LAMP1: variants seen among roughly 807,000 people sequenced by gnomAD.
The protein encoded by LAMP1 is lysosome-associated membrane glycoprotein 1.
Under a neutral mutation model 37.5 loss-of-function variants are expected in LAMP1, and 7 were observed. The ratio of observed to expected loss-of-function variants is 0.19; its 90% CI spans 0.11 to 0.35. The LOEUF (loss-of-function observed/expected upper bound fraction) is 0.35, where lower values mean the gene tolerates loss of function less well. Ranked by LOEUF, LAMP1 falls within the 10% of genes least tolerant of loss-of-function variation. LAMP1 has a pLI of 1.00. For synonymous variants in LAMP1, 236 were observed against 229.1 expected (o/e 1.03, Z -0.27); for missense variants, 537 against 552.8 (o/e 0.97, Z 0.29).
chr13:113,313,613 T>C (rs894638128), intron 4 of LAMP1, among the ~76,000 whole-genome samples: 5 of 146,026 alleles, frequency 3.4e-5, no homozygotes, highest in Non-Finnish European at 7.5e-5. Context: ...GGAACCAGTG[T>C]GGAGATGTCG....
chr13:113,309,979 A>G (rs1433649201), intron 3 of LAMP1, 117 bp downstream of exon 3: 2 of 796,408 alleles, frequency 2.5e-6, no homozygotes, highest in Non-Finnish European at 4.1e-6. Flanking sequence ...CTGTAATCCT[A>G]GCACTTTGGG....
intron 4 of LAMP1, among the ~76,000 whole-genome samples, chr13:113,315,301 C>A (rs987132183): frequency 6.6e-6 from 1 of 150,938 alleles, no homozygotes; most frequent in Admixed American, 6.6e-5. Flanking sequence ...GTGGAGATGC[C>A]GGTGTGCCTG....
rs3829393 is a variant in LAMP1 at position 113,318,955 on chromosome 13, G to C, written c.563-514G>C. Among the ~76,000 whole-genome samples, 1,348 of 152,346 alleles carry C rather than the reference G, an allele frequency of 8.8e-3. 73 individuals are homozygous for C. The East Asian group carries it at 0.14, about 16-fold the overall frequency. ...ACCTGGCCGGTCTGTGTGTGCTGCA[G>C]ACCCTCTGTTTCCCTCTGGGTAGTG... On this transcript the variant is annotated intron_variant, in intron 4 of 8. Coordinates refer to ENST00000332556, the MANE Select transcript of LAMP1 (RefSeq NM_005561.4).
intron 4 of LAMP1, among the ~76,000 whole-genome samples, chr13:113,313,030 A>G (rs1387887091): frequency 6.6e-6 from 1 of 152,312 alleles, no homozygotes. Context: ...AGCTTGGGAA[A>G]TGAGAGAGAA....
In LAMP1 at chr13:113,297,598, C is replaced by A; in HGVS notation, c.61+103C>A. ...TGCCGGGTCGTTGTCCCGCGGGTCG[C>A]CCCGCACCCACTGCTCCTGGTCCCG... On this transcript the variant is annotated intron_variant, in intron 1 of 8. Transcript: ENST00000332556. This position sits in a 1 kb window ranked among gnomAD's most constrained non-coding sequence, Gnocchi z 4.4. 2 of 1,093,678 alleles carry A rather than the reference C, an allele frequency of 1.8e-6. No individual in the cohort carries two copies. Among genetic ancestry groups the A allele is most frequent in the Non-Finnish European group, 2.3e-6 (2 of 876,716 alleles). The allele number at this position is 1,093,678 out of a possible 1,614,324, so 67.7% of individuals were successfully genotyped here. A position where few individuals can be genotyped will look rare whatever the true frequency, so the allele number is the denominator to read the frequency against.
At chr13:113,306,421 G>A in intron 1 of LAMP1, 64 bp from the exon 2 acceptor site, 1 of 1,554,122 alleles carries the variant, frequency 6.4e-7, no homozygotes, top group Non-Finnish European at 8.8e-7. Context: ...TGTGGAAAAT[G>A]GAAATACTCG....
chr13:113,322,310 C>T lies in LAMP1; in HGVS notation c.1143C>T (p.Ser381=). Residue 381 remains serine (S), a synonymous_variant, in exon 9 of 9, where the codon AGC becomes AGT. Coordinates refer to ENST00000332556, the MANE Select transcript of LAMP1 (RefSeq NM_005561.4). The stretch of plus-strand genomic sequence containing the variant: ...AGGAGTGTCTGCTGGACGAGAACAG[C>T]ATGCTGATCCCCATCGCTGTGGGTG... ...SVEECLLDEN[S]MLIPIAVGGA... 2 of 1,613,514 alleles carry T rather than the reference C, an allele frequency of 1.2e-6. No homozygotes were observed. The highest frequency in any genetic ancestry group is 1.7e-6 in the Non-Finnish European group (2 of 1,179,816).
chr13:113,309,551 T>A, intron 2 of LAMP1, 92 bp from the exon 3 acceptor site: 2 of 950,644 alleles, frequency 2.1e-6, no homozygotes, highest in Non-Finnish European at 3.2e-6. Flanking sequence ...AAATGAAGTA[T>A]AAGTTTATAT....
intron 1 of LAMP1, among the ~76,000 whole-genome samples, chr13:113,304,709 G>A (rs1185963885): frequency 6.6e-6 from 1 of 151,690 alleles, no homozygotes; most frequent in Non-Finnish European, 1.5e-5. Flanking sequence ...CAGGCTGGAG[G>A]GCAGTGGTGC....
In LAMP1 at chr13:113,321,631, G is replaced by A. The variant is rs747877257; in HGVS notation, c.1018G>A (p.Ala340Thr). 1.5e-5 allele frequency: 24 copies of A among 1,614,094 alleles called. No individual in the cohort carries two copies. Among genetic ancestry groups the A allele is most frequent in the African/African-American group, 2.7e-5 (2 of 74,930 alleles). The change falls in exon 8 of 9, where the codon GCG (alanine) becomes ACG (threonine). Residue 340 changes from alanine (A) to threonine (T), a missense_variant. Physicochemically the swap from Ala to Thr is moderately conservative, Grantham distance 58. Transcript: ENST00000332556. The surrounding 1 kb of genome is among the most constrained non-coding windows in gnomAD (Gnocchi z 5.6). ...ATVGNSYKCN[A>T]EEHVRVTKAF... ...AGTCGGCAATTCCTACAAGTGCAAC[G>A]CGGAGGAGCACGTCCGTGTCACGAA... is the stretch of plus-strand genomic sequence containing the variant.
Position 113,321,932 on chromosome 13 carries a change from G to C in LAMP1, c.1114+205G>C, listed in dbSNP as rs1470724674. ...CGTGTCTCTCAGCTGGGAGCCCCTG[G>C]TACCATTTGAGAGTAAGGGAATCAT... On this transcript the variant is annotated intron_variant, in intron 8 of 8. Coordinates refer to ENST00000332556, the MANE Select transcript of LAMP1 (RefSeq NM_005561.4). The surrounding 1 kb of genome is among the most constrained non-coding windows in gnomAD (Gnocchi z 5.6). 1.5e-5 allele frequency: 9 copies of C among 607,598 alleles called. No homozygotes were observed. The highest frequency in any genetic ancestry group is 2.3e-5 in the Non-Finnish European group (8 of 346,934). 37.6% of individuals were successfully genotyped at this position (607,598 alleles called of 1,614,324 possible). A position where few individuals can be genotyped will look rare whatever the true frequency, so the allele number is the denominator to read the frequency against.
chr13:113,309,905 G>C (rs1184106498), intron 3 of LAMP1, 43 bp downstream of exon 3: 1 of 1,509,478 alleles, frequency 6.6e-7, no homozygotes, highest in Non-Finnish European at 9.2e-7. Flanking sequence ...TAGAAAATTG[G>C]GTTGGAGGAT....
intron 4 of LAMP1, among the ~76,000 whole-genome samples, chr13:113,317,427 C>A (rs1052588127): frequency 6.6e-6 from 1 of 152,192 alleles, no homozygotes; most frequent in Non-Finnish European, 1.5e-5. Flanking sequence ...TTCTCAAGTT[C>A]CAGTTTTTTA....
intron 4 of LAMP1, among the ~76,000 whole-genome samples, chr13:113,317,031 G>A (rs2042669258): frequency 6.6e-6 from 1 of 152,186 alleles, no homozygotes; most frequent in African/African-American, 2.4e-5. Flanking sequence ...GGGAACCTGG[G>A]TGCAAACCAA....
At chr13:113,309,550 A>G (rs1389707277) in intron 2 of LAMP1, 93 bp from the exon 3 acceptor site, 1 of 940,072 alleles carries the variant, frequency 1.1e-6, no homozygotes. Flanking sequence ...GAAATGAAGT[A>G]TAAGTTTATA....
chr13:113,318,930 A>G (rs993177996), intron 4 of LAMP1, among the ~76,000 whole-genome samples: 3 of 151,830 alleles, frequency 2.0e-5, no homozygotes, highest in Admixed American at 1.3e-4. Flanking sequence ...TCTGCGTCCC[A>G]CCTGGCCGGT....
intron 3 of LAMP1, 87 bp downstream of exon 3, chr13:113,309,949 C>A: frequency 9.1e-7 from 1 of 1,093,026 alleles, no homozygotes; most frequent in Non-Finnish European, 1.4e-6. Flanking sequence ...GAAGTACAGG[C>A]TGGGTGTGGT....
rs2042692583 is a variant in LAMP1, at chr13:113,320,529, G to A, written c.876+59G>A. The A allele has an allele frequency of 1.3e-6, 2 of 1,576,892 alleles. No homozygotes were observed. Among genetic ancestry groups the A allele is most frequent in the East Asian group, 2.3e-5 (1 of 44,364 alleles). ...CACTGTGTCTCCACCACATCTTTTT[G>A]TGCCCTGGGTCTGCTCATGGGAGGC... On this transcript the variant is annotated intron_variant, in intron 6 of 8. Transcript: ENST00000332556. This position sits in a 1 kb window ranked among gnomAD's most constrained non-coding sequence, Gnocchi z 4.4.
At chr13:113,298,716 C>T (rs901527370) in intron 1 of LAMP1, among the ~76,000 whole-genome samples, 2 of 152,200 alleles carry the variant, frequency 1.3e-5, no homozygotes. Flanking sequence ...TTGCTCAGCT[C>T]CTGCGACAGG....
Sources: allele counts gnomAD v4.1 joint callset (sites outside exome capture counted in the v4.1 genomes callset), GRCh38; gene constraint gnomAD v4.1.1; non-coding constraint Gnocchi (gnomAD v3.1); transcripts MANE v1.5; gene names NCBI Gene and HGNC (gene_info 2026-07-23, HGNC 2026-07-21).